The following PTPRT variants were observed in gnomAD, a reference collection of about 807,000 sequenced individuals.
PTPRT encodes the protein receptor-type tyrosine-protein phosphatase T.
A neutral mutation model predicts 176.8 loss-of-function variants in PTPRT; 56 were observed. That is an observed-to-expected ratio of 0.32 (90% CI 0.26 to 0.40). The LOEUF is 0.40. Ranked by LOEUF, PTPRT falls within the 10% of genes least tolerant of loss-of-function variation. The probability of loss-of-function intolerance (pLI) is 1.00; values close to 1 mark genes in which losing one functional copy is unlikely to be tolerated. For missense variants in PTPRT, 1,540 were observed against 1,908.2 expected (o/e 0.81, Z 3.60); for synonymous variants, 783 against 739.0 (o/e 1.06, Z -0.96).
At chr20:42,616,152 A>G (rs374854821) in intron 7 of PTPRT, among the ~76,000 whole-genome samples, 1 of 125,744 alleles carries the variant, frequency 8.0e-6, no homozygotes, top group Non-Finnish European at 1.6e-5. Context: ...AGCTTTCTAC[A>G]TATGGCTAGC....
intron 6 of PTPRT, among the ~76,000 whole-genome samples, chr20:42,693,189 C>T (rs2075818827): frequency 6.6e-6 from 1 of 152,078 alleles, no homozygotes; most frequent in South Asian, 2.1e-4. Context: ...CTGAAAACTG[C>T]CAGACATTAC....
chr20:42,523,205 A>G (rs1333562476), intron 7 of PTPRT, among the ~76,000 whole-genome samples: 1 of 152,132 alleles, frequency 6.6e-6, no homozygotes, highest in Non-Finnish European at 1.5e-5. Context: ...CCTGTTAGTT[A>G]TGTGTGACTC....
At chr20:43,185,298 A>G (rs1011710950) in intron 1 of PTPRT, among the ~76,000 whole-genome samples, 7 of 152,124 alleles carry the variant, frequency 4.6e-5, no homozygotes, top group African/African-American at 1.7e-4. Flanking sequence ...TTGTTTATCA[A>G]GTGCACAAAG....
intron 1 of PTPRT, among the ~76,000 whole-genome samples, chr20:43,176,311 G>C (rs1306547412): frequency 6.6e-6 from 1 of 152,118 alleles, no homozygotes; most frequent in African/African-American, 2.4e-5. Context: ...CTGTGCCACT[G>C]TACTCTAGCC....
intron 5 of PTPRT, 24 bp from the exon 6 acceptor site, chr20:42,756,660 AGAG>A (rs768111573): frequency 1.6e-5 from 24 of 1,535,972 alleles, no homozygotes; most frequent in Non-Finnish European, 1.9e-5. Flanking sequence ...GAAGAGAGGG[AGAG>A]GAGGAATCAT....
chr20:42,894,856 A>C (rs1215263625), intron 1 of PTPRT, among the ~76,000 whole-genome samples: 1 of 152,118 alleles, frequency 6.6e-6, no homozygotes, highest in African/African-American at 2.4e-5. Context: ...CCATAGTGTT[A>C]TAGGGAGGAG....
chr20:43,035,301 AGT>A (rs1182001964), intron 1 of PTPRT, among the ~76,000 whole-genome samples: 1 of 152,136 alleles, frequency 6.6e-6, no homozygotes, highest in East Asian at 1.9e-4. Flanking sequence ...GATACTTTAG[AGT>A]GTCTGGAGGT....
chr20:42,034,295 T>A, the PTPRT span, among the ~76,000 whole-genome samples: 6 of 152,200 alleles, frequency 3.9e-5, no homozygotes, highest in Non-Finnish European at 8.8e-5. Flanking sequence ...CTGCTGGATG[T>A]TGAGGAGATG....
chr20:42,192,919 G>A (rs1249590747), intron 16 of PTPRT, among the ~76,000 whole-genome samples: 1 of 152,148 alleles, frequency 6.6e-6, no homozygotes, highest in Non-Finnish European at 1.5e-5. Flanking sequence ...CTTGGCAGCT[G>A]CCTTCCTGAG....
chr20:42,230,988 A>G, intron 15 of PTPRT, among the ~76,000 whole-genome samples: 1 of 152,144 alleles, frequency 6.6e-6, no homozygotes, highest in Admixed American at 6.5e-5. Flanking sequence ...CCTCTGATGC[A>G]GCAGCTCAGT....
At chr20:42,428,110 A>G (rs111450967) in intron 9 of PTPRT, among the ~76,000 whole-genome samples, 61 of 152,266 alleles carry the variant, frequency 4.0e-4, no homozygotes, top group African/African-American at 1.4e-3. Flanking sequence ...AAACCACTAC[A>G]TTGGGAATTA....
chr20:42,930,253 T>C (rs927065728), intron 1 of PTPRT, among the ~76,000 whole-genome samples: 1 of 152,106 alleles, frequency 6.6e-6, no homozygotes, highest in African/African-American at 2.4e-5. Context: ...CCCTCCTAGG[T>C]CCCTCTTCTG....
At chr20:42,190,396 T>C (rs1464709481) in intron 16 of PTPRT, among the ~76,000 whole-genome samples, 1 of 152,194 alleles carries the variant, frequency 6.6e-6, no homozygotes, top group Non-Finnish European at 1.5e-5. Context: ...TAACTATTAA[T>C]GGGCTTTAGC....
intron 6 of PTPRT, among the ~76,000 whole-genome samples, chr20:42,719,184 A>G (rs968541887): frequency 1.3e-5 from 2 of 152,242 alleles, no homozygotes; most frequent in Admixed American, 1.3e-4. Flanking sequence ...ACAGCTAGTT[A>G]ATCGTAAGTT....
intron 9 of PTPRT, among the ~76,000 whole-genome samples, chr20:42,363,423 G>A (rs1195729321): frequency 1.4e-5 from 2 of 145,644 alleles, no homozygotes; most frequent in Admixed American, 7.0e-5. Flanking sequence ...CAATTCTCCT[G>A]CCTCAGCCTC....
chr20:42,107,037 G>T, intron 23 of PTPRT, 116 bp from the exon 24 acceptor site: 1 of 1,308,652 alleles, frequency 7.6e-7, no homozygotes, highest in Non-Finnish European at 1.0e-6. Flanking sequence ...TAGATTATGT[G>T]TTCCCACATT....
intron 13 of PTPRT, among the ~76,000 whole-genome samples, chr20:42,255,313 A>C (rs2056619114): frequency 6.6e-6 from 1 of 152,250 alleles, no homozygotes; most frequent in Non-Finnish European, 1.5e-5. Flanking sequence ...CCAAGTTCAC[A>C]CTGGGATTTT....
chr20:42,647,002 C>T (rs533347846), intron 7 of PTPRT, among the ~76,000 whole-genome samples: 5 of 147,602 alleles, frequency 3.4e-5, no homozygotes, highest in Non-Finnish European at 7.4e-5. Flanking sequence ...TCGAGCAATC[C>T]TTCCACTTCA....
intron 19 of PTPRT, among the ~76,000 whole-genome samples, chr20:42,127,323 A>G (rs547983439): frequency 6.6e-6 from 1 of 152,200 alleles, no homozygotes; most frequent in Non-Finnish European, 1.5e-5. Context: ...TTGCTGCCCA[A>G]GGAAGGGAGT....
Sources: gnomAD v4.1 joint callset for allele counts (sites outside exome capture counted in the v4.1 genomes callset) on GRCh38, gnomAD v4.1.1 for gene constraint, MANE v1.5 for transcripts, NCBI Gene and HGNC (gene_info 2026-07-23, HGNC 2026-07-21) for gene names.